CHL1: variants seen among roughly 807,000 people sequenced by gnomAD.
CHL1 encodes the protein cell adhesion molecule L1 like.
In CHL1, 96 loss-of-function variants were observed where a neutral mutation model predicts 141.9. That is an observed-to-expected ratio of 0.68 (90% CI 0.57 to 0.80). The LOEUF (loss-of-function observed/expected upper bound fraction) is 0.80. CHL1 is among the 30% of genes least tolerant of loss of function. CHL1 has a pLI of 0.00. For synonymous variants in CHL1, 613 were observed against 502.2 expected, an observed-to-expected ratio of 1.22 and a Z score of -2.95; for missense variants, 1,820 against 1,457.2, an observed-to-expected ratio of 1.25 and a Z score of -4.05.
intron 2 of CHL1, among the ~76,000 whole-genome samples, chr3:261,976 G>T (rs1440103337): frequency 1.4e-5 from 2 of 141,058 alleles, no homozygotes; most frequent in Admixed American, 7.1e-5. Flanking sequence ...TTTAAGCCTA[G>T]ATCTACACAG....
chr3:380,197 G>T (rs1706862551), intron 16 of CHL1, among the ~76,000 whole-genome samples: 1 of 152,182 alleles, frequency 6.6e-6, no homozygotes, highest in East Asian at 1.9e-4. Context: ...GAAACCTGTT[G>T]AAGAATTAAC....
chr3:267,439 A>T (rs568815996), intron 2 of CHL1, among the ~76,000 whole-genome samples: 1 of 152,276 alleles, frequency 6.6e-6, no homozygotes, highest in South Asian at 2.1e-4. Context: ...TTTATATTTT[A>T]CTTCATAATA....
intron 10 of CHL1, among the ~76,000 whole-genome samples, chr3:350,298 A>T (rs1703131772): frequency 6.6e-6 from 1 of 152,190 alleles, no homozygotes; most frequent in Admixed American, 6.5e-5. Context: ...TAGTGCTGTG[A>T]CTGGCTGATG....
intron 1 of CHL1, among the ~76,000 whole-genome samples, chr3:228,785 C>G (rs1359824289): frequency 6.6e-6 from 1 of 152,164 alleles, no homozygotes; most frequent in East Asian, 1.9e-4. Context: ...ACTTTGAAAT[C>G]AGCTCAATGG....
chr3:238,152 A>T (rs1279394462), intron 1 of CHL1, among the ~76,000 whole-genome samples: 1 of 152,164 alleles, frequency 6.6e-6, no homozygotes, highest in African/African-American at 2.4e-5. Flanking sequence ...TTTTTAAAAG[A>T]TACAGTCATT....
intron 2 of CHL1, among the ~76,000 whole-genome samples, chr3:256,872 G>T (rs1694225830): frequency 6.6e-6 from 1 of 152,160 alleles, no homozygotes; most frequent in Non-Finnish European, 1.5e-5. Context: ...TATTTTACCA[G>T]CCTTGGAATC....
chr3:346,747 A>T (rs1209147345), intron 9 of CHL1, among the ~76,000 whole-genome samples: 1 of 152,172 alleles, frequency 6.6e-6, no homozygotes, highest in African/African-American at 2.4e-5. Context: ...GTCGTCTCTC[A>T]GAAGATGATA....
At chr3:330,785 A>C (rs1365416049) in intron 5 of CHL1, among the ~76,000 whole-genome samples, 1 of 152,214 alleles carries the variant, frequency 6.6e-6, no homozygotes, top group Non-Finnish European at 1.5e-5. Flanking sequence ...ATTAAAGAAT[A>C]ACAAGTCATA....
chr3:383,993 A>T, intron 19 of CHL1, 107 bp downstream of exon 19: 1 of 684,846 alleles, frequency 1.5e-6, no homozygotes, highest in Non-Finnish European at 2.5e-6. Flanking sequence ...AACAAAGATA[A>T]GATTTGGAAA....
At chr3:226,794 T>A (rs932251550) in intron 1 of CHL1, among the ~76,000 whole-genome samples, 3 of 151,934 alleles carry the variant, frequency 2.0e-5, no homozygotes, top group African/African-American at 7.2e-5. Context: ...AATCTTTTAA[T>A]CATTCTCCAA....
At chr3:349,661 T>C in intron 10 of CHL1, 118 bp downstream of exon 10, 1 of 830,270 alleles carries the variant, frequency 1.2e-6, no homozygotes, top group Non-Finnish European at 1.9e-6. Flanking sequence ...AACTTTTAAT[T>C]GTAGTGCGGG....
At position 337,670 on chromosome 3, in the gene CHL1, A is replaced by T. The variant is rs956648412; in HGVS notation, c.386-3124A>T. Among the ~76,000 whole-genome samples, 10 of 152,046 alleles carry T rather than the reference A, an allele frequency of 6.6e-5. No individual in the cohort carries two copies. In the East Asian group the frequency reaches 7.7e-4, roughly 12 times the overall value. The stretch of plus-strand genomic sequence containing the variant: ...CTGATAATGATGGTTTTCAGCTTCA[A>T]CCATGTCCCTACAAAGGACATGAAC... On this transcript the variant is annotated intron_variant, in intron 5 of 27. Coordinates refer to ENST00000256509, the MANE Select transcript of CHL1 (RefSeq NM_006614.4).
In CHL1 at chr3:325,961, C is replaced by T. The variant is rs767212701; in HGVS notation, c.94C>T (p.Gln32Ter). The change falls in exon 4 of 28, where the codon CAA becomes TAA. Residue 32 changes from glutamine (Q) to a stop codon, truncating the protein, a stop_gained and splice_region_variant. Coordinates refer to ENST00000256509, the MANE Select transcript of CHL1 (RefSeq NM_006614.4). LOFTEE classifies it high-confidence loss of function. Reference sequence around the variant, plus strand: ...TAAGTACATATTTTAATATTTAGTTCAACAGGTTCCAACAATCATAAAACA... The same window carrying T: ...TAAGTACATATTTTAATATTTAGTTTAACAGGTTCCAACAATCATAAAACA... ...SKAIEIPSSV[Q>*]QVPTIIKQSK... 1 of 1,601,366 alleles carries T rather than the reference C, an allele frequency of 6.2e-7. No individual in the cohort carries two copies. Among genetic ancestry groups the T allele is most frequent in the Non-Finnish European group, 8.5e-7 (1 of 1,170,706 alleles).
At chr3:246,804 A>G (rs1183881834) in intron 2 of CHL1, 1 of 152,136 alleles carries the variant, frequency 6.6e-6, no homozygotes, top group Admixed American at 6.6e-5. Flanking sequence ...TGTATATAAC[A>G]TTTCAATTAT....
intron 15 of CHL1, among the ~76,000 whole-genome samples, chr3:375,673 T>C (rs1222607322): frequency 6.6e-6 from 1 of 152,112 alleles, no homozygotes; most frequent in African/African-American, 2.4e-5. Context: ...AGTAACACTC[T>C]CTGAGCACAT....
At chr3:231,433 A>G (rs934564161) in intron 1 of CHL1, among the ~76,000 whole-genome samples, 16 of 152,178 alleles carry the variant, frequency 1.1e-4, no homozygotes, top group African/African-American at 3.1e-4. Context: ...GGCTTAGCCC[A>G]TAGTTGAACT....
At chr3:287,302 C>G (rs1697249183) in intron 2 of CHL1, among the ~76,000 whole-genome samples, 1 of 152,170 alleles carries the variant, frequency 6.6e-6, no homozygotes, top group Non-Finnish European at 1.5e-5. Context: ...ACCACTCCCT[C>G]TCTAGACAAT....
chr3:255,472 C>A (rs1260790887), intron 2 of CHL1, among the ~76,000 whole-genome samples: 2 of 140,700 alleles, frequency 1.4e-5, no homozygotes, highest in African/African-American at 5.2e-5. Flanking sequence ...CAGATACACA[C>A]TGTTGACAGC....
chr3:314,367 ATATC>A, intron 2 of CHL1, among the ~76,000 whole-genome samples: 1 of 127,540 alleles, frequency 7.8e-6, no homozygotes, highest in South Asian at 2.6e-4. Context: ...ATATATATAT[ATATC>A]TGCTTCAGCA....
Sources: allele counts gnomAD v4.1 joint callset (sites outside exome capture counted in the v4.1 genomes callset), GRCh38; gene constraint gnomAD v4.1.1; transcripts MANE v1.5; gene names NCBI Gene and HGNC (gene_info 2026-07-23, HGNC 2026-07-21).